The following CRYGB variants were observed in gnomAD, a reference collection of about 807,000 sequenced individuals.
CRYGB encodes gamma-crystallin B.
A neutral mutation model predicts 21.3 loss-of-function variants in CRYGB; 19 were observed. The observed-to-expected ratio is 0.89, with a 90% CI of 0.62 to 1.31. The LOEUF is 1.31. CRYGB is among the 50% of genes most tolerant of loss of function. The pLI is 0.00. For synonymous variants in CRYGB, 81 were observed against 81.2 expected (o/e 1.00, Z 0.01); for missense variants, 254 against 228.4 (o/e 1.11, Z -0.72).
At chr2:208,143,866 A>G (rs1360579594) in intron 2 of CRYGB, among the ~76,000 whole-genome samples, 3 of 151,988 alleles carry the variant, frequency 2.0e-5, no homozygotes, top group Non-Finnish European at 2.9e-5. Context: ...GACTGAACCA[A>G]TTTACAACTT....
At chr2:208,145,436 C>T (rs988255538) in intron 2 of CRYGB, among the ~76,000 whole-genome samples, 4 of 151,994 alleles carry the variant, frequency 2.6e-5, no homozygotes, top group Admixed American at 1.3e-4. Context: ...CACCTGTAAT[C>T]CCAGCACTTT....
chr2:208,144,157 A>G (rs1013423264), intron 2 of CRYGB, among the ~76,000 whole-genome samples: 5 of 151,392 alleles, frequency 3.3e-5, no homozygotes, highest in Non-Finnish European at 5.9e-5. Context: ...AGTAGCTGGG[A>G]TTACAGGCAC....
intron 1 of CRYGB, 23 bp downstream of exon 1, chr2:208,146,089 A>C: frequency 6.2e-7 from 1 of 1,614,234 alleles, no homozygotes; most frequent in East Asian, 2.2e-5. Flanking sequence ...GCCAAGGCTG[A>C]GCATCCGGTA....
At position 208,145,893 on chromosome 2, in the gene CRYGB, T is replaced by G. The variant is rs932393534; in HGVS notation, c.133A>C (p.Ile45Leu). The G allele has an allele frequency of 3.1e-6, 5 of 1,613,822 alleles. No individual in the cohort carries two copies. The African/African-American group carries it at 4.0e-5, about 13-fold the overall frequency. ...SIRVESGCWM[I>L]YERPNYQGHQ... is the part of the protein sequence containing the mutation. Reference sequence around the variant, plus strand: ...CCCTGGTAGTTGGGGCGCTCATAGATCATCCAGCAGCCGCTCTCCACCCTG... The same window carrying G: ...CCCTGGTAGTTGGGGCGCTCATAGAGCATCCAGCAGCCGCTCTCCACCCTG... The change falls in exon 2 of 3, where the codon ATC becomes CTC. Residue 45 changes from isoleucine (I) to leucine (L), a missense_variant. Physicochemically the swap from Ile to Leu is conservative, Grantham distance 5. Transcript: ENST00000260988.
chr2:208,143,291 T>TA (rs1695390748), intron 2 of CRYGB, among the ~76,000 whole-genome samples: 2 of 152,312 alleles, frequency 1.3e-5, no homozygotes, highest in South Asian at 4.1e-4. Flanking sequence ...ATCACTAAGC[T>TA]AAAGGGAAAA....
At position 208,142,890 on chromosome 2, in the gene CRYGB, C is replaced by T. The variant is rs1204753121; in HGVS notation, c.276G>A (p.Lys92=). Residue 92 remains lysine (K), a synonymous_variant, in exon 3 of 3, where the codon AAG becomes AAA. Transcript: ENST00000260988. The stretch of plus-strand genomic sequence containing the variant: ...CCCTCAATTCATCTCTGTCGTAGAT[C>T]TTCATTCTGTAAGCGCCAGAGTGCT... The part of the protein sequence containing the change: ...IPPHSGAYRM[K]IYDRDELRGQ... The T allele has an allele frequency of 1.2e-6, 2 of 1,608,882 alleles. No homozygotes were observed. The highest frequency in any genetic ancestry group is 3.4e-5 in the Admixed American group (2 of 59,270).
At chr2:208,145,688 CAAA>C (rs554918356) in intron 2 of CRYGB, 83 bp downstream of exon 2, 15,755 of 1,223,772 alleles carry the variant, frequency 0.013, no homozygotes, top group East Asian at 0.022. Context: ...GACTCCGCCT[CAAA>C]AAAAAAAAAA....
In CRYGB at chr2:208,145,906, G is replaced by A. The variant is rs142703961; in HGVS notation, c.120C>T (p.Ser40=). The change falls in exon 2 of 3, where the codon AGC becomes AGT. Residue 40 remains serine (S), a synonymous_variant. Coordinates refer to ENST00000260988, the MANE Select transcript of CRYGB (RefSeq NM_005210.4). ...FSRCNSIRVE[S]GCWMIYERPN... is the part of the protein sequence containing the mutation. ...GGCGCTCATAGATCATCCAGCAGCC[G>A]CTCTCCACCCTGATGGAGTTGCAGC... The A allele has an allele frequency of 2.5e-5, 41 of 1,614,040 alleles. No individual in the cohort carries two copies. The African/African-American group carries it at 3.3e-4, about 13-fold the overall frequency.
Position 208,145,951 on chromosome 2 carries a change from G to A in CRYGB, c.75C>T (p.Asn25=), listed in dbSNP as rs1695461787. The A allele has an allele frequency of 5.0e-6, 8 of 1,614,224 alleles. No individual in the cohort carries two copies. The highest frequency in any genetic ancestry group is 5.9e-6 in the Non-Finnish European group (7 of 1,180,050). Reference sequence around the variant, plus strand: ...TGCAGCGGCTGAAATAGGGTTGTAGGTTGGGGCAGTCAGTGGTGCATTCGT... The same window carrying A: ...TGCAGCGGCTGAAATAGGGTTGTAGATTGGGGCAGTCAGTGGTGCATTCGT... ...RSYECTTDCP[N]LQPYFSRCNS... is the part of the protein sequence containing the mutation. The change falls in exon 2 of 3, where the codon AAC becomes AAT. Residue 25 remains asparagine (N), a synonymous_variant. Transcript: ENST00000260988.
rs776883934 is a variant in CRYGB at position 208,146,020 on chromosome 2, A to C, written c.10-4T>G. ...CCCTGTCCTCGTAGAAGGTGATCTG[A>C]AAAATGGAAGATGTGGGAGCATGGA... On this transcript the variant is annotated splice_polypyrimidine_tract_variant and splice_region_variant and intron_variant, in intron 1 of 2. Coordinates refer to ENST00000260988, the MANE Select transcript of CRYGB (RefSeq NM_005210.4). The C allele has an allele frequency of 3.2e-5, 51 of 1,613,826 alleles. No individual in the cohort carries two copies. Among genetic ancestry groups the C allele is most frequent in the East Asian group, 4.5e-5 (2 of 44,874 alleles).
rs979566486 is a variant in CRYGB at position 208,142,875 on chromosome 2, A to G, written c.291T>C (p.Asp97=). The change falls in exon 3 of 3, where the codon GAT becomes GAC. Residue 97 remains aspartate (D), a synonymous_variant. Coordinates refer to ENST00000260988, the MANE Select transcript of CRYGB (RefSeq NM_005210.4). ...GCTCTGACATTTGTCCCCTCAATTC[A>G]TCTCTGTCGTAGATCTTCATTCTGT... The part of the protein sequence containing the change: ...GAYRMKIYDR[D]ELRGQMSELT... The G allele has an allele frequency of 5.0e-6, 8 of 1,612,898 alleles. No individual in the cohort carries two copies. The highest frequency in any genetic ancestry group is 6.8e-6 in the Non-Finnish European group (8 of 1,179,540).
chr2:208,142,941 G>C (rs747356296), intron 2 of CRYGB, 28 bp from the exon 3 acceptor site: 2 of 1,556,856 alleles, frequency 1.3e-6, no homozygotes, highest in Non-Finnish European at 8.7e-7. Flanking sequence ...AAACGCAAGA[G>C]TAAACAAACA....
chr2:208,143,016 C>T lies in CRYGB; in HGVS notation c.253-103G>A, dbSNP rs532829124. ...CTGGCCACACCTGCCCAGAAGTTCT[C>T]CCAGGCCAAGTTTGCTTCTAGAACA... is the stretch of plus-strand genomic sequence containing the variant. On this transcript the variant is annotated intron_variant, in intron 2 of 2. Coordinates refer to ENST00000260988, the MANE Select transcript of CRYGB (RefSeq NM_005210.4). 1.7e-4 allele frequency: 230 copies of T among 1,332,456 alleles called. 4 individuals carry two copies. In the South Asian group the frequency reaches 3.4e-3, roughly 20 times the overall value. 82.5% of individuals were successfully genotyped at this position (1,332,456 alleles called of 1,614,324 possible).
chr2:208,143,635 G>A (rs919386429), intron 2 of CRYGB, among the ~76,000 whole-genome samples: 5 of 151,924 alleles, frequency 3.3e-5, no homozygotes, highest in East Asian at 1.9e-4. Flanking sequence ...CCCGGGTAGC[G>A]GGATTACAGG....
rs771872699 is a variant in CRYGB at position 208,146,112 on chromosome 2, C to G, written c.9G>C (p.Lys3Asn). The G allele has an allele frequency of 6.2e-7, 1 of 1,614,176 alleles. No homozygotes were observed. Among genetic ancestry groups the G allele is most frequent in the East Asian group, 2.2e-5 (1 of 44,886 alleles). ...TGAGCATCCGGTACCCAGGACTTAC[C>G]TTTCCCATTTTGAAGGAAGTGAGCA... is the stretch of plus-strand genomic sequence containing the variant. MG[K>N]ITFYEDRAFQ... The change falls in exon 1 of 3, where the codon AAG (lysine) becomes AAC (asparagine). Residue 3 changes from lysine (K) to asparagine (N), a missense_variant and splice_region_variant. Transcript: ENST00000260988.
intron 2 of CRYGB, among the ~76,000 whole-genome samples, 165 bp from the exon 3 acceptor site, chr2:208,143,078 A>G (rs1426134481): frequency 1.3e-5 from 2 of 152,220 alleles, no homozygotes; most frequent in African/African-American, 4.8e-5. Flanking sequence ...CACACTCCCC[A>G]GTCACCCACC....
In CRYGB at chr2:208,142,588, C is replaced by G. The variant is rs781713825; in HGVS notation, c.*50G>C. 1.2e-5 allele frequency: 17 copies of G among 1,451,656 alleles called. No homozygotes were observed. The highest frequency in any genetic ancestry group is 3.6e-6 in the Non-Finnish European group (4 of 1,100,296). 89.9% of individuals were successfully genotyped at this position (1,451,656 alleles called of 1,614,324 possible). A position where few individuals can be genotyped will look rare whatever the true frequency, so the allele number is the denominator to read the frequency against. On this transcript the variant is annotated 3_prime_UTR_variant, in exon 3 of 3. Coordinates refer to ENST00000260988, the MANE Select transcript of CRYGB (RefSeq NM_005210.4). ...GCTCTACTAGTGCCAGAAACACAAG[C>G]TAAATATTTTATTAGATTTTAAAGG...
chr2:208,142,898 TGTAAGCGCCA>T lies in CRYGB; in HGVS notation c.258_267del (p.Gly87GlufsTer2). 1 of 1,606,144 alleles carries T rather than the reference TGTAAGCGCCA, an allele frequency of 6.2e-7. No homozygotes were observed. The highest frequency in any genetic ancestry group is 8.5e-7 in the Non-Finnish European group (1 of 1,176,174). On this transcript the variant is annotated frameshift_variant, in exon 3 of 3. Transcript: ENST00000260988. LOFTEE classifies it high-confidence loss of function. The stretch of plus-strand genomic sequence containing the variant: ...TCATCTCTGTCGTAGATCTTCATTC[TGTAAGCGCCA>T]GAGTGCTGGAGTGGCAGACAGAAAA...
chr2:208,144,021 G>GTTTT (rs1559327489), intron 2 of CRYGB, among the ~76,000 whole-genome samples: 21 of 106,972 alleles, frequency 2.0e-4, no homozygotes, highest in Non-Finnish European at 3.9e-4. Context: ...CTTCTTTCTG[G>GTTTT]GTTTTTTTTT....
Sources: gnomAD v4.1 joint callset for allele counts (sites outside exome capture counted in the v4.1 genomes callset) on GRCh38, gnomAD v4.1.1 for gene constraint, MANE v1.5 for transcripts, NCBI Gene and HGNC (gene_info 2026-07-23, HGNC 2026-07-21) for gene names.